Variants in DLGAP4 observed in about 807,000 individuals in gnomAD.
The protein encoded by DLGAP4 is disks large-associated protein 4.
Under a neutral mutation model 86.9 loss-of-function variants are expected in DLGAP4, and 18 were observed. That is an observed-to-expected ratio of 0.21 (90% CI 0.14 to 0.31). The LOEUF is 0.31. Ranked by LOEUF, DLGAP4 falls within the 10% of genes least tolerant of loss-of-function variation. The probability of loss-of-function intolerance (pLI) is 1.00; values close to 1 mark genes in which losing one functional copy is unlikely to be tolerated. For missense variants in DLGAP4, 1,085 were observed against 1,362.6 expected (o/e 0.80, Z 3.21); for synonymous variants, 548 against 574.3 (o/e 0.95, Z 0.65).
At chr20:36,445,570 T>G (rs2033570698) in intron 6 of DLGAP4, among the ~76,000 whole-genome samples, 1 of 152,248 alleles carries the variant, frequency 6.6e-6, no homozygotes, top group Non-Finnish European at 1.5e-5. Flanking sequence ...AACACCCATC[T>G]AGTTGTTTGA....
chr20:36,499,516 C>G, intron 8 of DLGAP4, 72 bp from the exon 9 acceptor site: 1 of 1,492,414 alleles, frequency 6.7e-7, no homozygotes, highest in Non-Finnish European at 9.2e-7. Context: ...TGAATTTCAG[C>G]AGCAAGTGTG....
intron 7 of DLGAP4, chr20:36,462,102 C>T: frequency 2.0e-6 from 2 of 996,682 alleles, no homozygotes; most frequent in Non-Finnish European, 1.2e-6. Context: ...GGGGTCTCGC[C>T]TCCTCTGAAC....
intron 7 of DLGAP4, chr20:36,465,380 T>C (rs1252472408): frequency 6.6e-6 from 1 of 151,946 alleles, no homozygotes; most frequent in East Asian, 1.9e-4. Flanking sequence ...GAATGAAAAA[T>C]AGGGGGCCCA....
intron 10 of DLGAP4, among the ~76,000 whole-genome samples, chr20:36,507,384 C>A (rs749188433): frequency 2.0e-5 from 3 of 152,060 alleles, no homozygotes; most frequent in Non-Finnish European, 4.4e-5. Flanking sequence ...CATGCCACCA[C>A]GTCCAGCTAA....
chr20:36,347,713 C>T (rs1339825411), intron 1 of DLGAP4, among the ~76,000 whole-genome samples: 1 of 150,948 alleles, frequency 6.6e-6, no homozygotes, highest in Non-Finnish European at 1.5e-5. Context: ...GTACTCCCAA[C>T]TACTCAGGAG....
chr20:36,311,653 G>A (rs977218248), intron 1 of DLGAP4, among the ~76,000 whole-genome samples: 5 of 152,102 alleles, frequency 3.3e-5, no homozygotes, highest in Non-Finnish European at 5.9e-5. Flanking sequence ...AGTGAGCACC[G>A]ATGTCCGGAC....
chr20:36,342,608 C>A (rs782697229), intron 1 of DLGAP4, among the ~76,000 whole-genome samples: 1 of 152,204 alleles, frequency 6.6e-6, no homozygotes, highest in Non-Finnish European at 1.5e-5. Flanking sequence ...TGTCTGAGCT[C>A]AGAGAAGCCT....
chr20:36,388,700 A>G (rs530964248), intron 2 of DLGAP4, among the ~76,000 whole-genome samples: 4 of 152,020 alleles, frequency 2.6e-5, no homozygotes, highest in Admixed American at 2.6e-4. Context: ...GGGGTAATAG[A>G]CCCTCTACCT....
At chr20:36,502,225 A>G (rs2036176294) in intron 10 of DLGAP4, among the ~76,000 whole-genome samples, 1 of 152,194 alleles carries the variant, frequency 6.6e-6, no homozygotes, top group South Asian at 2.1e-4. Flanking sequence ...GTATGTAAAT[A>G]TTGTTTATTG....
intron 2 of DLGAP4, among the ~76,000 whole-genome samples, chr20:36,423,152 A>G (rs1285897427): frequency 6.6e-6 from 1 of 152,164 alleles, no homozygotes; most frequent in African/African-American, 2.4e-5. Flanking sequence ...CAGCAAATAA[A>G]TAGCAGGTTT....
intron 10 of DLGAP4, among the ~76,000 whole-genome samples, chr20:36,505,031 A>G (rs1029751965): frequency 2.7e-5 from 4 of 148,702 alleles, no homozygotes; most frequent in African/African-American, 1.0e-4. Flanking sequence ...TCTGTTGCCC[A>G]GACTGGAGTG....
intron 2 of DLGAP4, among the ~76,000 whole-genome samples, chr20:36,412,979 C>CTTTT (rs71184093): frequency 1.8e-5 from 2 of 110,858 alleles, no homozygotes; most frequent in South Asian, 3.1e-4. Context: ...GAACTCTTTT[C>CTTTT]TTTTTTTTTT....
chr20:36,363,281 C>T (rs998215927), intron 1 of DLGAP4, among the ~76,000 whole-genome samples: 4 of 152,134 alleles, frequency 2.6e-5, no homozygotes, highest in Admixed American at 6.6e-5. Flanking sequence ...CTGCCTGTGG[C>T]GTCTGCAGGG....
At chr20:36,476,467 ACAGGCAT>A (rs1182839380) in intron 7 of DLGAP4, among the ~76,000 whole-genome samples, 6 of 148,482 alleles carry the variant, frequency 4.0e-5, no homozygotes, top group Non-Finnish European at 8.9e-5. Flanking sequence ...AGCTGGGCTT[ACAGGCAT>A]CTGCCACCAT....
At chr20:36,396,573 CCACATACACACACCAGACACACACACGCA>C (rs2031996657) in intron 2 of DLGAP4, among the ~76,000 whole-genome samples, 4 of 99,662 alleles carry the variant, frequency 4.0e-5, no homozygotes, top group African/African-American at 1.4e-4. Context: ...CATACACACA[CCACATACACACACCAGACACACACACGCA>C]CGCATACACA....
At position 36,336,519 on chromosome 20, in the gene DLGAP4, C is replaced by T. The variant is rs141980554; in HGVS notation, c.-304+30007C>T. On this transcript the variant is annotated intron_variant, in intron 1 of 12. Coordinates refer to ENST00000339266, the MANE Select transcript of DLGAP4 (RefSeq NM_001365621.2). The stretch of plus-strand genomic sequence containing the variant: ...TTTGTTTAATCTGCATCTTTCCCAC[C>T]GGACTTCAAGTCAGCAGCCCTGTGT... Among the ~76,000 whole-genome samples, 122 of 152,328 alleles carry T rather than the reference C, an allele frequency of 8.0e-4. No individual in the cohort carries two copies. In the East Asian group the frequency reaches 0.012, roughly 15 times the overall value.
intron 10 of DLGAP4, among the ~76,000 whole-genome samples, chr20:36,522,081 A>G (rs2037413472): frequency 6.6e-6 from 1 of 152,156 alleles, no homozygotes; most frequent in Non-Finnish European, 1.5e-5. Context: ...CTCACAGTGC[A>G]GGACCTCCCC....
intron 10 of DLGAP4, chr20:36,508,419 G>GTTTTTTTTTTTTTTTTTTTTTTT (rs1569523131): frequency 2.2e-5 from 3 of 134,606 alleles, no homozygotes; most frequent in African/African-American, 8.9e-5. Context: ...ATGTTTCAGG[G>GTTTTTTTTTTTTTTTTTTTTTTT]TTCTTTTTTT....
At chr20:36,467,071 C>A (rs558979407) in intron 7 of DLGAP4, among the ~76,000 whole-genome samples, 6 of 133,180 alleles carry the variant, frequency 4.5e-5, no homozygotes, top group Admixed American at 7.7e-5. Context: ...TCTCCCCCCC[C>A]CTTCTCTCGG....
Sources: gnomAD v4.1 joint callset for allele counts (sites outside exome capture counted in the v4.1 genomes callset) on GRCh38, gnomAD v4.1.1 for gene constraint, MANE v1.5 for transcripts, NCBI Gene and HGNC (gene_info 2026-07-23, HGNC 2026-07-21) for gene names.